The following CAPN6 variants were observed in gnomAD, a reference collection of about 807,000 sequenced individuals.
CAPN6 encodes calpain 6, also known as calpain-6.
CAPN6 carries 16 observed loss-of-function variants against 46.0 expected under a neutral mutation model. The ratio of observed to expected loss-of-function variants is 0.35; its 90% confidence interval spans 0.24 to 0.53. The LOEUF (loss-of-function observed/expected upper bound fraction) is 0.53. CAPN6 is among the 20% of genes least tolerant of loss of function. The pLI is 0.94. For synonymous variants in CAPN6, 206 were observed against 172.8 expected (o/e 1.19, Z -1.51); for missense variants, 461 against 498.0 (o/e 0.93, Z 0.71).
intron 4 of CAPN6, 42 bp downstream of exon 4, chrX:111,252,966 C>G: frequency 9.3e-7 from 1 of 1,078,165 alleles, no homozygotes; most frequent in Non-Finnish European, 1.3e-6. Flanking sequence ...GCTTTCCTTT[C>G]CTCATGTACC....
In CAPN6 at chrX:111,270,399, C is replaced by T. The variant is rs2094995157; in HGVS notation, c.-44G>A. ...AGTTATCCCAGGAGCCCTGCTGCTG[C>T]TGCTGCTGCTGCTGCTGCTGCTGCT... is the stretch of plus-strand genomic sequence containing the variant. On this transcript the variant is annotated 5_prime_UTR_variant, in exon 1 of 13. Transcript: ENST00000324068. 1 of 348,503 alleles carries T rather than the reference C, an allele frequency of 2.9e-6. No individual in the cohort carries two copies. Among genetic ancestry groups the T allele is most frequent in the African/African-American group, 2.2e-5 (1 of 44,928 alleles). 28.7% of individuals were successfully genotyped at this position (348,503 alleles called of 1,213,427 possible).
In CAPN6 at chrX:111,248,575, T is replaced by A; in HGVS notation, c.1478A>T (p.Gln493Leu). The A allele has an allele frequency of 8.3e-7, 1 of 1,206,225 alleles. No homozygotes were observed. Residue 493 changes from glutamine (Q) to leucine (L), a missense_variant, in exon 10 of 13, where the codon CAG (glutamine) becomes CTG (leucine). By Grantham distance (113) the Gln-to-Leu change is moderately radical. Transcript: ENST00000324068. ...LLRIFSEVPV[Q>L]LRELTLDMPK... ...CTTGCGAAGGAAACTGAACCTGAGC[T>A]GGACAGGCACTTCAGAGAAGATTCT...
At chrX:111,265,808 T>C in intron 1 of CAPN6, among the ~76,000 whole-genome samples, 1 of 111,793 alleles carries the variant, frequency 8.9e-6, no homozygotes, top group Non-Finnish European at 1.9e-5. Context: ...GAGTATTTCC[T>C]GTTCTGCCTT....
At position 111,247,297 on chromosome X, in the gene CAPN6, AG is replaced by A. The variant is rs368269315; in HGVS notation, c.1743+70del. On this transcript the variant is annotated intron_variant, in intron 12 of 12. Coordinates refer to ENST00000324068, the MANE Select transcript of CAPN6 (RefSeq NM_014289.4). ...TTGCTCTGCATCCTAAACATATATA[AG>A]GTACTTGGGATCATCTAGTATCTGG... 524 of 918,196 alleles carry A rather than the reference AG, an allele frequency of 5.7e-4. 1 individual carries two copies. In the African/African-American group the frequency reaches 9.1e-3, roughly 16 times the overall value. The allele number at this position is 918,196 out of a possible 1,213,427, so 75.7% of individuals were successfully genotyped here. A position where few individuals can be genotyped will look rare whatever the true frequency, so the allele number is the denominator to read the frequency against.
chrX:111,252,113 A>C (rs1351528694), intron 5 of CAPN6, among the ~76,000 whole-genome samples, 194 bp downstream of exon 5: 1 of 111,911 alleles, frequency 8.9e-6, no homozygotes, highest in East Asian at 2.8e-4. Context: ...TTCCATGTGG[A>C]ATGACTGGTA....
intron 3 of CAPN6, among the ~76,000 whole-genome samples, chrX:111,253,830 T>G (rs2094981621): frequency 8.9e-6 from 1 of 112,471 alleles, no homozygotes; most frequent in Admixed American, 9.4e-5. Flanking sequence ...AAGGAATTTT[T>G]GTACTATTAA....
chrX:111,267,423 G>A (rs1203913683), intron 1 of CAPN6, among the ~76,000 whole-genome samples: 6 of 111,274 alleles, frequency 5.4e-5, no homozygotes, highest in East Asian at 5.6e-4. Flanking sequence ...GGATAGGAGC[G>A]GGCCCAGAGT....
chrX:111,269,203 T>C (rs2094994211), intron 1 of CAPN6, among the ~76,000 whole-genome samples: 1 of 111,421 alleles, frequency 9.0e-6, no homozygotes, highest in African/African-American at 3.3e-5. Context: ...ACTTTTTCCC[T>C]AGACTGCTAG....
chrX:111,268,748 C>G (rs2094993874), intron 1 of CAPN6, among the ~76,000 whole-genome samples: 1 of 112,523 alleles, frequency 8.9e-6, no homozygotes, highest in Non-Finnish European at 1.9e-5. Flanking sequence ...GAATCAAATT[C>G]TGATTTTATA....
intron 2 of CAPN6, among the ~76,000 whole-genome samples, chrX:111,255,670 C>T (rs1421196102): frequency 2.7e-5 from 3 of 111,532 alleles, no homozygotes; most frequent in African/African-American, 6.5e-5. Context: ...TTCTCCTTGA[C>T]GAAGGGTCTG....
Position 111,254,604 on chromosome X carries a change from T to C in CAPN6, c.166-201A>G, listed in dbSNP as rs17883735. Among the ~76,000 whole-genome samples the C allele has an allele frequency of 1.3e-4, 14 of 111,391 alleles. No homozygotes were observed. In the South Asian group the frequency reaches 3.9e-3, roughly 31 times the overall value. On this transcript the variant is annotated intron_variant, in intron 2 of 12. Coordinates refer to ENST00000324068, the MANE Select transcript of CAPN6 (RefSeq NM_014289.4). ...AAACAGTTGATCATCTAGCCCCATG[T>C]TTGGAAGTGGCAGGAGAAATGAAAG...
chrX:111,253,671 A>T (rs868248847), intron 3 of CAPN6, among the ~76,000 whole-genome samples: 1 of 112,428 alleles, frequency 8.9e-6, no homozygotes, highest in Non-Finnish European at 1.9e-5. Flanking sequence ...TATGGATTTC[A>T]TTTGCATTTT....
intron 2 of CAPN6, among the ~76,000 whole-genome samples, chrX:111,258,405 G>A (rs17883725): frequency 0.014 from 1,585 of 111,553 alleles, 10 homozygotes; most frequent in Middle Eastern, 0.032. Context: ...ATAAGTCCAG[G>A]GTCTAAATAG....
chrX:111,248,773 T>C lies in CAPN6; in HGVS notation c.1282-2A>G. 1 of 1,209,191 alleles carries C rather than the reference T, an allele frequency of 8.3e-7. No homozygotes were observed. The highest frequency in any genetic ancestry group is 2.3e-4 in the Middle Eastern group (1 of 4,313). On this transcript the variant is annotated splice_acceptor_variant, in intron 9 of 12. Coordinates refer to ENST00000324068, the MANE Select transcript of CAPN6 (RefSeq NM_014289.4). LOFTEE classifies it high-confidence loss of function. ...GCGGAATTTGCGGTTCATCTCCACCTGGAAATGAAATAGGGTAAAATATTC... is the reference window on the plus strand; with the variant it reads ...GCGGAATTTGCGGTTCATCTCCACCCGGAAATGAAATAGGGTAAAATATTC...
Position 111,247,495 on chromosome X carries a change from G to C in CAPN6, c.1616C>G (p.Pro539Arg). 1 of 1,205,751 alleles carries C rather than the reference G, an allele frequency of 8.3e-7. No individual in the cohort carries two copies. The highest frequency in any genetic ancestry group is 1.1e-6 in the Non-Finnish European group (1 of 892,953). Residue 539 changes from proline to arginine, a missense_variant, in exon 12 of 13, where the codon CCA (proline) becomes CGA (arginine). Coordinates refer to ENST00000324068, the MANE Select transcript of CAPN6 (RefSeq NM_014289.4). The stretch of plus-strand genomic sequence containing the variant: ...CTTTCCACATTTGATGACCAAATAT[G>C]GGTTTACAGCTGGAACAAAGTGACA... ...EKKYANETVN[P>R]YLVIKCGKEE... is the part of the protein sequence containing the mutation.
chrX:111,253,848 T>A (rs1435760165), intron 3 of CAPN6, among the ~76,000 whole-genome samples: 2 of 112,417 alleles, frequency 1.8e-5, no homozygotes, highest in African/African-American at 6.5e-5. Flanking sequence ...TAATAATTTA[T>A]TAGAACTTTT....
In CAPN6 at chrX:111,256,802, T is replaced by G. The variant is rs562891883; in HGVS notation, c.166-2399A>C. Among the ~76,000 whole-genome samples the G allele has an allele frequency of 1.7e-4, 19 of 108,755 alleles. No individual in the cohort carries two copies. The South Asian group carries it at 7.6e-3, about 43-fold the overall frequency. 94.4% of individuals were successfully genotyped at this position (108,755 alleles called of 115,157 possible). ...TACATGTATGTACATATAATATATA[T>G]ATTAAAAGCTGTGTGAAATTCATGA... On this transcript the variant is annotated intron_variant, in intron 2 of 12. Coordinates refer to ENST00000324068, the MANE Select transcript of CAPN6 (RefSeq NM_014289.4).
intron 1 of CAPN6, among the ~76,000 whole-genome samples, chrX:111,264,306 G>A (rs761385140): frequency 9.8e-5 from 11 of 112,042 alleles, no homozygotes; most frequent in African/African-American, 3.6e-4. Flanking sequence ...ATTTACACCA[G>A]CAGGGAGTAG....
rs1363169755 is a variant in CAPN6, at chrX:111,268,242, A to T, written c.-16+2129T>A. On this transcript the variant is annotated intron_variant, in intron 1 of 12. Coordinates refer to ENST00000324068, the MANE Select transcript of CAPN6 (RefSeq NM_014289.4). ...AGGAAAAAAAAGAGGACACAATTTTAATTCGGTTGCTCAATAACTCTATCA... is the reference window on the plus strand; with the variant it reads ...AGGAAAAAAAAGAGGACACAATTTTTATTCGGTTGCTCAATAACTCTATCA... Among the ~76,000 whole-genome samples the T allele has an allele frequency of 2.7e-5, 3 of 112,187 alleles. No individual in the cohort carries two copies. In the East Asian group the frequency reaches 8.4e-4, roughly 31 times the overall value.
Sources: gnomAD v4.1 joint callset for allele counts (sites outside exome capture counted in the v4.1 genomes callset) on GRCh38, gnomAD v4.1.1 for gene constraint, MANE v1.5 for transcripts, NCBI Gene and HGNC (gene_info 2026-07-23, HGNC 2026-07-21) for gene names.